POC1A: variants seen among roughly 807,000 people sequenced by gnomAD.
POC1A encodes POC1 centriolar protein homolog A.
A neutral mutation model predicts 47.8 loss-of-function variants in POC1A; 34 were observed. The ratio of observed to expected loss-of-function variants is 0.71; its 90% CI spans 0.54 to 0.95. The LOEUF (loss-of-function observed/expected upper bound fraction) is 0.95, where lower values mean the gene tolerates loss of function less well. Ranked by LOEUF, POC1A falls within the 40% of genes least tolerant of loss-of-function variation. The pLI is 0.00. For synonymous variants in POC1A, 177 were observed against 207.6 expected (o/e 0.85, Z 1.27); for missense variants, 466 against 528.3 (o/e 0.88, Z 1.16).
chr3:52,088,931 C>T (rs1175408720), intron 10 of POC1A, among the ~76,000 whole-genome samples: 4 of 147,050 alleles, frequency 2.7e-5, no homozygotes, highest in South Asian at 2.3e-4. Context: ...CTCGTATGAC[C>T]GACCATGAAC....
chr3:52,098,216 G>A (rs1160322817), intron 9 of POC1A, among the ~76,000 whole-genome samples: 1 of 152,154 alleles, frequency 6.6e-6, no homozygotes, highest in Non-Finnish European at 1.5e-5. Flanking sequence ...TCCTTCCAGA[G>A]GACCCCCTAG....
chr3:52,149,239 G>C lies in POC1A; in HGVS notation c.426C>G (p.Ser142Arg). ...CACAGCGGACCCAGTTGATATGCTG[G>C]CTCAGGGAGAACAGGAATTTCTGGC... ...THRQKFLFSL[S>R]QHINWVRCAK... is the part of the protein sequence containing the mutation. Residue 142 changes from serine to arginine, a missense_variant, in exon 4 of 11, where the codon AGC (serine) becomes AGG (arginine). Transcript: ENST00000296484. 1 of 1,614,158 alleles carries C rather than the reference G, an allele frequency of 6.2e-7. No individual in the cohort carries two copies. The highest frequency in any genetic ancestry group is 1.1e-5 in the South Asian group (1 of 91,086).
At chr3:52,098,960 A>G (rs192573557) in intron 9 of POC1A, among the ~76,000 whole-genome samples, 93 of 152,362 alleles carry the variant, frequency 6.1e-4, no homozygotes, top group Middle Eastern at 3.4e-3. Context: ...AGCAAATAAC[A>G]GAATTGGGAT....
intron 7 of POC1A, among the ~76,000 whole-genome samples, chr3:52,125,688 G>A (rs970239844): frequency 6.6e-6 from 1 of 152,122 alleles, no homozygotes; most frequent in African/African-American, 2.4e-5. Context: ...CATAGTTCAA[G>A]GCACAGGTGA....
intron 7 of POC1A, among the ~76,000 whole-genome samples, chr3:52,135,879 C>T (rs1315322785): frequency 1.3e-5 from 2 of 152,222 alleles, no homozygotes; most frequent in East Asian, 3.9e-4. Flanking sequence ...GGTTTGTCCA[C>T]ATCGGGACCT....
chr3:52,135,440 G>C (rs1227286743), intron 7 of POC1A, among the ~76,000 whole-genome samples: 1 of 152,224 alleles, frequency 6.6e-6, no homozygotes, highest in African/African-American at 2.4e-5. Context: ...CTGGAGTACA[G>C]TGGCACAATC....
At chr3:52,115,354 A>G (rs1703525881) in intron 9 of POC1A, among the ~76,000 whole-genome samples, 1 of 152,134 alleles carries the variant, frequency 6.6e-6, no homozygotes, top group Admixed American at 6.5e-5. Context: ...CTTCTCTAAG[A>G]CATATAAATC....
intron 7 of POC1A, among the ~76,000 whole-genome samples, chr3:52,133,029 G>C (rs957376936): frequency 1.3e-5 from 2 of 151,746 alleles, no homozygotes; most frequent in African/African-American, 4.8e-5. Context: ...CTGGGCAACA[G>C]AGTGAGACTC....
chr3:52,118,954 ACT>A (rs1469702341), intron 9 of POC1A, among the ~76,000 whole-genome samples: 1 of 151,450 alleles, frequency 6.6e-6, no homozygotes, highest in Non-Finnish European at 1.5e-5. Flanking sequence ...AGGCAAAAAC[ACT>A]CTCCAATTTT....
intron 1 of POC1A, 25 bp downstream of exon 1, chr3:52,154,330 G>A (rs533874117): frequency 6.4e-7 from 1 of 1,561,192 alleles, no homozygotes; most frequent in Non-Finnish European, 8.6e-7. Flanking sequence ...CTGAGGCCTG[G>A]GGAGTTGCTC....
chr3:52,078,388 T>C (rs1454777761), intron 10 of POC1A, among the ~76,000 whole-genome samples: 1 of 151,900 alleles, frequency 6.6e-6, no homozygotes, highest in African/African-American at 2.4e-5. Flanking sequence ...AAAAAAATCC[T>C]ACTTTCTTAA....
chr3:52,105,716 G>A (rs1333682729), intron 9 of POC1A, among the ~76,000 whole-genome samples: 1 of 152,154 alleles, frequency 6.6e-6, no homozygotes, highest in Non-Finnish European at 1.5e-5. Flanking sequence ...CTGAACCCAA[G>A]AGAAATTCTG....
rs893631906 is a variant in POC1A at position 52,149,366 on chromosome 3, C to T, written c.299G>A (p.Arg100His). 11 of 1,614,084 alleles carry T rather than the reference C, an allele frequency of 6.8e-6. No homozygotes were observed. Among genetic ancestry groups the T allele is most frequent in the African/African-American group, 6.7e-5 (5 of 75,030 alleles). The change falls in exon 4 of 11, where the codon CGT becomes CAT. Residue 100 changes from arginine to histidine, a missense_variant. Coordinates refer to ENST00000296484, the MANE Select transcript of POC1A (RefSeq NM_015426.5). The stretch of plus-strand genomic sequence containing the variant: ...ACTCCTCACTGTGGCTGTGTGTGCA[C>T]GAAACACAGTGGACTCACCTTTGCT... The part of the protein sequence containing the change: ...PNVKGESTVF[R>H]AHTATVRSVH...
chr3:52,132,535 T>G (rs111764459), intron 7 of POC1A, among the ~76,000 whole-genome samples: 1,991 of 152,144 alleles, frequency 0.013, 38 homozygotes, highest in African/African-American at 0.042. Flanking sequence ...AGGAGGGCAA[T>G]GCACCATAAC....
intron 4 of POC1A, among the ~76,000 whole-genome samples, chr3:52,148,728 A>G (rs968274364): frequency 1.3e-5 from 2 of 152,232 alleles, no homozygotes; most frequent in Non-Finnish European, 2.9e-5. Context: ...CCTTACTGTC[A>G]GAGAGAGTTG....
chr3:52,124,731 C>G (rs192221239), intron 8 of POC1A, among the ~76,000 whole-genome samples: 4 of 152,346 alleles, frequency 2.6e-5, no homozygotes, highest in Non-Finnish European at 5.9e-5. Context: ...GCTCTTGTCA[C>G]ATTGGCCATA....
intron 8 of POC1A, among the ~76,000 whole-genome samples, chr3:52,124,641 T>C (rs547490082): frequency 6.6e-6 from 1 of 152,272 alleles, no homozygotes; most frequent in South Asian, 2.1e-4. Flanking sequence ...TGGGACTTAG[T>C]TTCCTCATCT....
chr3:52,131,868 T>G (rs969743339), intron 7 of POC1A, among the ~76,000 whole-genome samples: 1 of 152,030 alleles, frequency 6.6e-6, no homozygotes, highest in Non-Finnish European at 1.5e-5. Context: ...CCTCCAACCC[T>G]GGGGCAGAGG....
chr3:52,083,946 T>C (rs2106934786), intron 10 of POC1A, among the ~76,000 whole-genome samples: 1 of 152,342 alleles, frequency 6.6e-6, no homozygotes, highest in East Asian at 1.9e-4. Context: ...CTCAAGTGGT[T>C]GAGCAGGGAA....
Sources: allele counts gnomAD v4.1 joint callset (sites outside exome capture counted in the v4.1 genomes callset), GRCh38; gene constraint gnomAD v4.1.1; transcripts MANE v1.5; gene names NCBI Gene and HGNC (gene_info 2026-07-23, HGNC 2026-07-21).